The following CAST variants were observed in gnomAD, a reference collection of about 807,000 sequenced individuals.
CAST encodes the protein calpastatin.
A neutral mutation model predicts 119.6 loss-of-function variants in CAST; 76 were observed. That is an observed-to-expected ratio of 0.64 (90% CI 0.53 to 0.77). The LOEUF (loss-of-function observed/expected upper bound fraction) is 0.77. CAST is among the 30% of genes least tolerant of loss of function. CAST has a pLI of 0.00. For missense variants in CAST, 953 were observed against 946.5 expected, an observed-to-expected ratio of 1.01 and a Z score of -0.09; for synonymous variants, 319 against 331.6, an observed-to-expected ratio of 0.96 and a Z score of 0.41.
chr5:96,150,348 T>G, the CAST span, among the ~76,000 whole-genome samples: 2 of 152,186 alleles, frequency 1.3e-5, no homozygotes, highest in African/African-American at 4.8e-5. Flanking sequence ...CTTAGCGTTC[T>G]TGGAGGTTTC....
the CAST span, among the ~76,000 whole-genome samples, chr5:96,377,240 T>A: frequency 1.1e-4 from 16 of 152,006 alleles, no homozygotes; most frequent in African/African-American, 3.6e-4. Flanking sequence ...GTTTAATTTA[T>A]TATAGAACAA....
intron 2 of CAST, chr5:96,679,659 C>T (rs544153655): frequency 2.6e-5 from 4 of 152,048 alleles, no homozygotes; most frequent in African/African-American, 9.7e-5. Flanking sequence ...CAAATAAAAG[C>T]GAACGGAAAT....
intron 1 of CAST, among the ~76,000 whole-genome samples, chr5:96,616,971 A>G (rs915931218): frequency 6.6e-6 from 1 of 151,932 alleles, no homozygotes; most frequent in African/African-American, 2.4e-5. Context: ...TTTCAGCCGC[A>G]CTTCCCTGTT....
chr5:96,702,107 A>G (rs1319261326), intron 3 of CAST, among the ~76,000 whole-genome samples: 1 of 152,122 alleles, frequency 6.6e-6, no homozygotes, highest in East Asian at 1.9e-4. Context: ...AGTGACCAAC[A>G]CTACCTCCTT....
At chr5:96,227,603 G>C in the CAST span, among the ~76,000 whole-genome samples, 2 of 152,122 alleles carry the variant, frequency 1.3e-5, no homozygotes, top group Non-Finnish European at 2.9e-5. Context: ...TTTGTTTTTA[G>C]AGAGGGGGAA....
the CAST span, among the ~76,000 whole-genome samples, chr5:96,148,266 C>T: frequency 2.0e-5 from 3 of 152,156 alleles, no homozygotes; most frequent in African/African-American, 7.2e-5. Flanking sequence ...ATCAACACCT[C>T]TGATATGTTG....
chr5:96,088,115 C>A, the CAST span, among the ~76,000 whole-genome samples: 5 of 152,212 alleles, frequency 3.3e-5, no homozygotes, highest in Non-Finnish European at 7.3e-5. Flanking sequence ...CTCTATACAG[C>A]AACATCCTGG....
chr5:96,770,653 T>C (rs1771973385), intron 30 of CAST, 51 bp downstream of exon 30: 1 of 1,219,326 alleles, frequency 8.2e-7, no homozygotes, highest in Non-Finnish European at 1.2e-6. Flanking sequence ...TTACACAGAG[T>C]AGGGTTTATC....
chr5:96,470,485 A>G, the CAST span, among the ~76,000 whole-genome samples: 1 of 152,060 alleles, frequency 6.6e-6, no homozygotes, highest in Non-Finnish European at 1.5e-5. Context: ...CATATATTCT[A>G]AGACAACACT....
the CAST span, among the ~76,000 whole-genome samples, chr5:96,487,399 A>G: frequency 6.8e-4 from 103 of 152,348 alleles, 1 homozygote; most frequent in East Asian, 0.015. Context: ...ACTATTTCGG[A>G]ATCCCATACT....
chr5:96,197,019 T>A, the CAST span, among the ~76,000 whole-genome samples: 1 of 152,200 alleles, frequency 6.6e-6, no homozygotes, highest in South Asian at 2.1e-4. Context: ...AGGCCACAAC[T>A]ATGACTCTTA....
chr5:96,133,292 A>AG, the CAST span, among the ~76,000 whole-genome samples: 1 of 149,732 alleles, frequency 6.7e-6, no homozygotes, highest in Non-Finnish European at 1.5e-5. Flanking sequence ...AAACGCTTTG[A>AG]GAAAAAAAAA....
At chr5:96,196,444 C>T in the CAST span, among the ~76,000 whole-genome samples, 6 of 152,114 alleles carry the variant, frequency 3.9e-5, no homozygotes, top group Admixed American at 6.5e-5. Flanking sequence ...CCTGATCTCA[C>T]GTATGTTCTA....
rs138217040 is a variant in CAST at position 96,569,953 on chromosome 5, G to A, written c.60+40073G>A. Among the ~76,000 whole-genome samples, 26 of 152,228 alleles carry A rather than the reference G, an allele frequency of 1.7e-4. No homozygotes were observed. The East Asian group carries it at 4.4e-3, about 26-fold the overall frequency. The stretch of plus-strand genomic sequence containing the variant: ...ATTCCCACAGAGAAGGTGGCACCTG[G>A]AGCTCAATCACATTTCCCAGTCTAA... On this transcript the variant is annotated intron_variant, in intron 1 of 11. Transcript: ENST00000505143.
the CAST span, among the ~76,000 whole-genome samples, chr5:96,470,496 G>T: frequency 6.6e-6 from 1 of 151,956 alleles, no homozygotes. Context: ...AGACAACACT[G>T]GTGCTGTATC....
chr5:96,187,988 G>T, the CAST span, among the ~76,000 whole-genome samples: 2 of 152,160 alleles, frequency 1.3e-5, no homozygotes, highest in Non-Finnish European at 2.9e-5. Flanking sequence ...AGTTACCCAA[G>T]GGATGGCATC....
At chr5:96,263,799 A>G in the CAST span, among the ~76,000 whole-genome samples, 1 of 152,222 alleles carries the variant, frequency 6.6e-6, no homozygotes, top group Non-Finnish European at 1.5e-5. Flanking sequence ...ACTTACAATC[A>G]TGGTGGAAGC....
chr5:96,715,015 G>T (rs1561511417), intron 3 of CAST: 1 of 152,036 alleles, frequency 6.6e-6, no homozygotes, highest in Non-Finnish European at 1.5e-5. Flanking sequence ...GATCAGCTGT[G>T]ACTATTGTCA....
the CAST span, among the ~76,000 whole-genome samples, chr5:96,363,630 T>C: frequency 6.6e-6 from 1 of 152,224 alleles, no homozygotes; most frequent in Non-Finnish European, 1.5e-5. Context: ...GATTTGGCTC[T>C]CTGTTTGTCT....
Sources: gnomAD v4.1 joint callset for allele counts (sites outside exome capture counted in the v4.1 genomes callset) on GRCh38, gnomAD v4.1.1 for gene constraint, MANE v1.5 for transcripts, NCBI Gene and HGNC (gene_info 2026-07-23, HGNC 2026-07-21) for gene names.